ONECUT2: variants seen among roughly 807,000 people sequenced by gnomAD.
ONECUT2 encodes the protein one cut domain family member 2.
In ONECUT2, 10 loss-of-function variants were observed where a neutral mutation model predicts 27.9. That is an observed-to-expected ratio of 0.36 (90% confidence interval 0.22 to 0.61). The LOEUF (loss-of-function observed/expected upper bound fraction) is 0.61. Among genes scored for constraint, ONECUT2 ranks in the 20% least tolerant of loss-of-function variants. The pLI is 0.73. For missense variants in ONECUT2, 686 were observed against 721.0 expected, an observed-to-expected ratio of 0.95 and a Z score of 0.56; for synonymous variants, 334 against 315.1, an observed-to-expected ratio of 1.06 and a Z score of -0.64.
chr18:57,468,884 G>A (rs1211326209), intron 1 of ONECUT2, among the ~76,000 whole-genome samples: 1 of 152,100 alleles, frequency 6.6e-6, no homozygotes, highest in Non-Finnish European at 1.5e-5. Context: ...AAAGGCTCTT[G>A]ATCATGCAGA....
rs78284992 is a variant in ONECUT2 at position 57,461,938 on chromosome 18, C to G, written c.1229-14499C>G. ...ATGACAGAGTCTGCTACAAGAGAGTCTTTCCATGAGCAGAATTTCTGGGTC... is the reference window on the plus strand; with the variant it reads ...ATGACAGAGTCTGCTACAAGAGAGTGTTTCCATGAGCAGAATTTCTGGGTC... On this transcript the variant is annotated intron_variant, in intron 1 of 1. Coordinates refer to ENST00000491143, the MANE Select transcript of ONECUT2 (RefSeq NM_004852.3). Among the ~76,000 whole-genome samples, 137 of 152,354 alleles carry G rather than the reference C, an allele frequency of 9.0e-4. 1 individual carries two copies. The highest frequency in any genetic ancestry group is 1.7e-3 in the Non-Finnish European group (113 of 68,034).
rs2050418648 is a variant in ONECUT2 at position 57,482,039 on chromosome 18, A to AT, written c.*5323dup. On this transcript the variant is annotated 3_prime_UTR_variant, in exon 2 of 2. Coordinates refer to ENST00000491143, the MANE Select transcript of ONECUT2 (RefSeq NM_004852.3). Reference sequence around the variant, plus strand: ...GTCTGCCAAACTTGATATATTAGTAATTTTTTTATCTTTAGCTAAGATCAA... The same window carrying AT: ...GTCTGCCAAACTTGATATATTAGTAATTTTTTTTATCTTTAGCTAAGATCAA... 1 of 152,136 alleles carries AT rather than the reference A, an allele frequency of 6.6e-6. No homozygotes were observed. Among genetic ancestry groups the AT allele is most frequent in the Non-Finnish European group, 1.5e-5 (1 of 68,024 alleles). 9.4% of individuals were successfully genotyped at this position (152,136 alleles called of 1,614,324 possible). A position where few individuals can be genotyped will look rare whatever the true frequency, so the allele number is the denominator to read the frequency against.
Position 57,491,079 on chromosome 18 carries a change from G to A in ONECUT2, c.*14356G>A, listed in dbSNP as rs2050463548. ...AAATCCTGGTGGGGATGAGGATCAC[G>A]CTTCATCATCAAGGGGATGCCCATC... is the stretch of plus-strand genomic sequence containing the variant. On this transcript the variant is annotated 3_prime_UTR_variant, in exon 2 of 2. Transcript: ENST00000491143. 2 of 152,630 alleles carry A rather than the reference G, an allele frequency of 1.3e-5. No homozygotes were observed. The highest frequency in any genetic ancestry group is 4.8e-5 in the African/African-American group (2 of 41,448). 9.5% of individuals were successfully genotyped at this position (152,630 alleles called of 1,614,324 possible). A position where few individuals can be genotyped will look rare whatever the true frequency, so the allele number is the denominator to read the frequency against.
intron 1 of ONECUT2, among the ~76,000 whole-genome samples, chr18:57,443,701 A>G (rs2050187511): frequency 6.6e-6 from 1 of 152,188 alleles, no homozygotes; most frequent in Non-Finnish European, 1.5e-5. Context: ...AATGCCTGAC[A>G]TGGTGCAGAT....
intron 1 of ONECUT2, among the ~76,000 whole-genome samples, chr18:57,454,489 C>T (rs1182865631): frequency 6.6e-6 from 1 of 152,008 alleles, no homozygotes; most frequent in Non-Finnish European, 1.5e-5. Context: ...TGAAGAGCCT[C>T]AGTTCCCTCC....
intron 1 of ONECUT2, among the ~76,000 whole-genome samples, chr18:57,475,424 T>C (rs2050376875): frequency 6.6e-6 from 1 of 152,186 alleles, no homozygotes; most frequent in Non-Finnish European, 1.5e-5. Flanking sequence ...ATTTAACCTT[T>C]ACAGGTCACT....
intron 1 of ONECUT2, among the ~76,000 whole-genome samples, chr18:57,438,495 A>G (rs1278788227): frequency 3.9e-5 from 6 of 152,172 alleles, no homozygotes; most frequent in Non-Finnish European, 8.8e-5. Flanking sequence ...CGCTGAGCCC[A>G]GCTTGTGGGG....
chr18:57,459,747 T>C (rs765582253), intron 1 of ONECUT2, among the ~76,000 whole-genome samples: 5 of 151,962 alleles, frequency 3.3e-5, no homozygotes, highest in Non-Finnish European at 5.9e-5. Context: ...TTAGTAGAGA[T>C]GGAGTTTCTC....
intron 1 of ONECUT2, among the ~76,000 whole-genome samples, chr18:57,474,859 C>A (rs1176923688): frequency 1.3e-5 from 2 of 152,138 alleles, no homozygotes; most frequent in Non-Finnish European, 2.9e-5. Flanking sequence ...CTGAGCAGCA[C>A]CCTGGGTGCC....
intron 1 of ONECUT2, among the ~76,000 whole-genome samples, chr18:57,445,277 G>C (rs1282564508): frequency 6.6e-6 from 1 of 152,202 alleles, no homozygotes; most frequent in Non-Finnish European, 1.5e-5. Flanking sequence ...TGAAAAGAGA[G>C]AGGATTTGGA....
intron 1 of ONECUT2, among the ~76,000 whole-genome samples, chr18:57,473,145 A>T (rs1440351410): frequency 6.6e-6 from 1 of 152,192 alleles, no homozygotes; most frequent in Non-Finnish European, 1.5e-5. Flanking sequence ...GGTGAAAATC[A>T]GAATTTCTGG....
intron 1 of ONECUT2, among the ~76,000 whole-genome samples, chr18:57,447,468 G>A (rs2050206807): frequency 6.6e-6 from 1 of 152,222 alleles, no homozygotes; most frequent in Admixed American, 6.5e-5. Flanking sequence ...TGAGATCAGC[G>A]ATAATAAAGG....
At chr18:57,457,793 T>TA (rs1305137176) in intron 1 of ONECUT2, among the ~76,000 whole-genome samples, 1 of 152,092 alleles carries the variant, frequency 6.6e-6, no homozygotes, top group Non-Finnish European at 1.5e-5. Context: ...TATGCAGCCA[T>TA]AAAAAAGGAT....
rs894821829 is a variant in ONECUT2 at position 57,480,479 on chromosome 18, A to C, written c.*3756A>C. On this transcript the variant is annotated 3_prime_UTR_variant, in exon 2 of 2. Coordinates refer to ENST00000491143, the MANE Select transcript of ONECUT2 (RefSeq NM_004852.3). Reference sequence around the variant, plus strand: ...GCGTTTGGGTCTCCAGCATCCTCTGAAGATGTCTAGACTAGTAGAGGCTGC... The same window carrying C: ...GCGTTTGGGTCTCCAGCATCCTCTGCAGATGTCTAGACTAGTAGAGGCTGC... The C allele has an allele frequency of 6.6e-6, 1 of 152,106 alleles. No homozygotes were observed. Among genetic ancestry groups the C allele is most frequent in the Non-Finnish European group, 1.5e-5 (1 of 68,018 alleles). The allele number at this position is 152,106 out of a possible 1,614,324, so 9.4% of individuals were successfully genotyped here.
chr18:57,469,565 T>C (rs2050342313), intron 1 of ONECUT2, among the ~76,000 whole-genome samples: 2 of 152,228 alleles, frequency 1.3e-5, no homozygotes, highest in Admixed American at 6.5e-5. Context: ...CTGACACGTA[T>C]GTAAAAACAC....
At chr18:57,460,228 T>C (rs992445287) in intron 1 of ONECUT2, among the ~76,000 whole-genome samples, 1 of 152,142 alleles carries the variant, frequency 6.6e-6, no homozygotes, top group Non-Finnish European at 1.5e-5. Context: ...TGGCCTTGGG[T>C]CATTTTTAAA....
chr18:57,441,305 C>T (rs1247660959), intron 1 of ONECUT2, among the ~76,000 whole-genome samples: 2 of 152,254 alleles, frequency 1.3e-5, no homozygotes, highest in Non-Finnish European at 2.9e-5. Flanking sequence ...CTTGATCCGG[C>T]GCGTTTCCAG....
rs148559441 is a variant in ONECUT2, at chr18:57,441,045, G to C, written c.1228+4101G>C. 5.7e-3 allele frequency among the ~76,000 whole-genome samples: 864 copies of C among 152,346 alleles called. 16 individuals are homozygous for C. The highest frequency in any genetic ancestry group is 0.019 in the African/African-American group (784 of 41,574). ...GCATCAGGGTGGGCGGGAGCGGGCA[G>C]AGGAGGCGGGACCCGAGGGAGGAGA... On this transcript the variant is annotated intron_variant, in intron 1 of 1. Transcript: ENST00000491143.
At chr18:57,442,685 G>A (rs1329667353) in intron 1 of ONECUT2, among the ~76,000 whole-genome samples, 1 of 152,274 alleles carries the variant, frequency 6.6e-6, no homozygotes, top group Middle Eastern at 3.4e-3. Flanking sequence ...GGGCGAGTGG[G>A]CCTTTAGAGG....
Sources: allele counts gnomAD v4.1 joint callset (sites outside exome capture counted in the v4.1 genomes callset), GRCh38; gene constraint gnomAD v4.1.1; transcripts MANE v1.5; gene names NCBI Gene and HGNC (gene_info 2026-07-23, HGNC 2026-07-21).